NUBPL: variants seen among roughly 807,000 people sequenced by gnomAD.
NUBPL encodes NUBP iron-sulfur cluster assembly factor, mitochondrial, also known as iron-sulfur cluster transfer protein NUBPL.
Under a neutral mutation model 45.7 loss-of-function variants are expected in NUBPL, and 31 were observed. The ratio of observed to expected loss-of-function variants is 0.68; its 90% CI spans 0.51 to 0.92. NUBPL has a LOEUF of 0.92. NUBPL is among the 40% of genes least tolerant of loss of function. The pLI is 0.00. For synonymous variants in NUBPL, 144 were observed against 140.9 expected (o/e 1.02, Z -0.15); for missense variants, 401 against 398.7 (o/e 1.01, Z -0.05).
chr14:31,817,562 C>G (rs2039942834), intron 7 of NUBPL, among the ~76,000 whole-genome samples: 1 of 152,152 alleles, frequency 6.6e-6, no homozygotes, highest in Non-Finnish European at 1.5e-5. Flanking sequence ...CCCAGAATTT[C>G]ATATCGAGCC....
intron 4 of NUBPL, among the ~76,000 whole-genome samples, chr14:31,663,217 T>C (rs2036318174): frequency 1.3e-5 from 2 of 152,252 alleles, no homozygotes; most frequent in Admixed American, 6.5e-5. Flanking sequence ...TAGTTTTCTT[T>C]TGCTGTGTAG....
intron 6 of NUBPL, among the ~76,000 whole-genome samples, chr14:31,731,383 C>T (rs759305738): frequency 1.4e-4 from 21 of 152,186 alleles, no homozygotes; most frequent in Non-Finnish European, 2.2e-4. Context: ...TTATATAATA[C>T]ATTTGACACA....
At chr14:31,783,890 CAAT>C (rs1352320755) in intron 6 of NUBPL, among the ~76,000 whole-genome samples, 1 of 152,128 alleles carries the variant, frequency 6.6e-6, no homozygotes, top group African/African-American at 2.4e-5. Context: ...CAGGGAAAAA[CAAT>C]GATAAATTAT....
At chr14:31,747,635 A>G (rs1191880849) in intron 6 of NUBPL, among the ~76,000 whole-genome samples, 1 of 151,830 alleles carries the variant, frequency 6.6e-6, no homozygotes. Context: ...GATCCTTTGT[A>G]TTTATGTGGT....
intron 7 of NUBPL, among the ~76,000 whole-genome samples, chr14:31,807,650 C>G (rs554232330): frequency 2.6e-5 from 4 of 152,022 alleles, no homozygotes; most frequent in Admixed American, 1.3e-4. Flanking sequence ...GTCAATTTTT[C>G]CTTTTGTTGC....
chr14:31,803,664 A>G (rs1370200092), intron 7 of NUBPL, among the ~76,000 whole-genome samples: 1 of 152,176 alleles, frequency 6.6e-6, no homozygotes, highest in African/African-American at 2.4e-5. Context: ...ATTAATAGAT[A>G]CTTGGCAAGA....
intron 8 of NUBPL, among the ~76,000 whole-genome samples, chr14:31,830,156 T>A (rs2138978324): frequency 6.6e-6 from 1 of 152,314 alleles, no homozygotes; most frequent in Middle Eastern, 3.4e-3. Flanking sequence ...ATTCTCTTAC[T>A]CCTTCGGCAC....
chr14:31,577,954 C>T (rs2033759963), intron 3 of NUBPL: 1 of 1,288,688 alleles, frequency 7.8e-7, no homozygotes, highest in African/African-American at 1.5e-5. Context: ...CCATGACTTT[C>T]ACAAGGTCGG....
At chr14:31,801,171 G>A (rs1312054345) in intron 7 of NUBPL, 1 of 152,250 alleles carries the variant, frequency 6.6e-6, no homozygotes, top group African/African-American at 2.4e-5. Flanking sequence ...AAGGAGTGGT[G>A]GGTGAGGTAG....
At chr14:31,624,746 G>A (rs920213108) in intron 4 of NUBPL, among the ~76,000 whole-genome samples, 1 of 152,080 alleles carries the variant, frequency 6.6e-6, no homozygotes, top group Non-Finnish European at 1.5e-5. Context: ...TGTATTTTTA[G>A]TAGAGACAGA....
chr14:31,772,751 TG>T (rs1359694776), intron 6 of NUBPL, among the ~76,000 whole-genome samples: 1 of 151,970 alleles, frequency 6.6e-6, no homozygotes, highest in Non-Finnish European at 1.5e-5. Context: ...AAAAGGGAGG[TG>T]ATAAAGGGAA....
At chr14:31,710,629 A>G (rs968449125) in intron 6 of NUBPL, among the ~76,000 whole-genome samples, 2 of 152,164 alleles carry the variant, frequency 1.3e-5, no homozygotes, top group Admixed American at 6.5e-5. Context: ...TCCTGTTAGT[A>G]CTGGAACCTT....
intron 3 of NUBPL, chr14:31,577,931 G>A: frequency 7.8e-7 from 1 of 1,285,298 alleles, no homozygotes; most frequent in South Asian, 1.2e-5. Flanking sequence ...TTTATCTCAT[G>A]CCATTAGAGT....
intron 6 of NUBPL, among the ~76,000 whole-genome samples, chr14:31,676,518 C>T (rs1226294461): frequency 6.6e-6 from 1 of 151,712 alleles, no homozygotes; most frequent in African/African-American, 2.4e-5. Context: ...TGAATAATAC[C>T]TCTATAATAC....
chr14:31,810,030 C>T (rs2039769334), intron 7 of NUBPL, among the ~76,000 whole-genome samples: 1 of 152,126 alleles, frequency 6.6e-6, no homozygotes, highest in East Asian at 1.9e-4. Context: ...GAGAGCTTTA[C>T]TTCCAACTAT....
intron 6 of NUBPL, among the ~76,000 whole-genome samples, chr14:31,751,398 G>A (rs1023796431): frequency 2.6e-5 from 4 of 152,260 alleles, no homozygotes; most frequent in African/African-American, 9.6e-5. Context: ...TAGGCATTGG[G>A]TAAATGTTTC....
At chr14:31,706,533 C>A (rs926040859) in intron 6 of NUBPL, among the ~76,000 whole-genome samples, 1 of 152,032 alleles carries the variant, frequency 6.6e-6, no homozygotes, top group Non-Finnish European at 1.5e-5. Context: ...GTTTGAAAGG[C>A]GTTGTCTGAT....
chr14:31,672,874 T>A (rs987027437), intron 4 of NUBPL, among the ~76,000 whole-genome samples: 4 of 152,192 alleles, frequency 2.6e-5, no homozygotes, highest in African/African-American at 9.7e-5. Context: ...GCAAATTGAG[T>A]TATATTTAGT....
At chr14:31,694,297 C>T (rs1172900442) in intron 6 of NUBPL, among the ~76,000 whole-genome samples, 1 of 152,068 alleles carries the variant, frequency 6.6e-6, no homozygotes, top group Non-Finnish European at 1.5e-5. Flanking sequence ...GATTAGTGAA[C>T]AAGGAAATAG....
Sources: allele counts gnomAD v4.1 joint callset (sites outside exome capture counted in the v4.1 genomes callset), GRCh38; gene constraint gnomAD v4.1.1; transcripts MANE v1.5; gene names NCBI Gene and HGNC (gene_info 2026-07-23, HGNC 2026-07-21).